TANGO6: variants seen among roughly 807,000 people sequenced by gnomAD.
TANGO6 encodes transport and Golgi organization protein 6 homolog.
A neutral mutation model predicts 114.2 loss-of-function variants in TANGO6; 90 were observed. The ratio of observed to expected loss-of-function variants is 0.79; its 90% CI spans 0.66 to 0.94. TANGO6 has a LOEUF of 0.94. Among genes scored for constraint, TANGO6 ranks in the 40% least tolerant of loss-of-function variants. The probability of loss-of-function intolerance (pLI) is 0.00; values close to 1 mark genes in which losing one functional copy is unlikely to be tolerated. For synonymous variants in TANGO6, 477 were observed against 509.8 expected (o/e 0.94, Z 0.87); for missense variants, 1,274 against 1,315.3 (o/e 0.97, Z 0.49).
chr16:68,851,867 G>A (rs1208407790), intron 1 of TANGO6, among the ~76,000 whole-genome samples: 1 of 152,164 alleles, frequency 6.6e-6, no homozygotes, highest in Non-Finnish European at 1.5e-5. Context: ...TCGATAGATG[G>A]AAAGTGATAT....
chr16:68,873,250 A>C (rs1281475995), intron 4 of TANGO6, among the ~76,000 whole-genome samples: 1 of 152,040 alleles, frequency 6.6e-6, no homozygotes, highest in Non-Finnish European at 1.5e-5. Flanking sequence ...CATACAATAC[A>C]TGGTCTTTGT....
At chr16:69,034,078 C>T (rs1220370617) in intron 16 of TANGO6, 1 of 153,318 alleles carries the variant, frequency 6.5e-6, no homozygotes, top group Non-Finnish European at 1.5e-5. Flanking sequence ...GTGTTAAGTG[C>T]TCCAAGGAGG....
At position 69,022,827 on chromosome 16, in the gene TANGO6, G is replaced by A. The variant is rs746070229; in HGVS notation, c.2843-1G>A. ...TTTTGATTTCTTCCTTTTTCCTATA[G>A]GAGACATGGTCTCAAAGTACCGAGA... On this transcript the variant is annotated splice_acceptor_variant, in intron 15 of 17. Transcript: ENST00000261778. LOFTEE classifies it high-confidence loss of function. 1.9e-6 allele frequency: 3 copies of A among 1,572,296 alleles called. No individual in the cohort carries two copies. Among genetic ancestry groups the A allele is most frequent in the Non-Finnish European group, 2.6e-6 (3 of 1,158,182 alleles).
chr16:68,895,889 C>T (rs1353626775), intron 7 of TANGO6, among the ~76,000 whole-genome samples: 1 of 151,776 alleles, frequency 6.6e-6, no homozygotes, highest in African/African-American at 2.4e-5. Context: ...TTATGTGAAA[C>T]TGATTTTGAT....
chr16:68,897,664 C>T (rs545868843), intron 7 of TANGO6, among the ~76,000 whole-genome samples: 23 of 151,514 alleles, frequency 1.5e-4, no homozygotes, highest in Admixed American at 3.3e-4. Flanking sequence ...CTGCAACTTC[C>T]GCCTCCTGGG....
chr16:68,992,157 C>T (rs1963951723), intron 15 of TANGO6, among the ~76,000 whole-genome samples: 1 of 152,136 alleles, frequency 6.6e-6, no homozygotes, highest in African/African-American at 2.4e-5. Context: ...ATTTAGTCTT[C>T]TAGTAGGGTT....
At chr16:68,981,882 A>G (rs1327916820) in intron 15 of TANGO6, among the ~76,000 whole-genome samples, 1 of 152,180 alleles carries the variant, frequency 6.6e-6, no homozygotes, top group African/African-American at 2.4e-5. Context: ...AAATACTCCA[A>G]ACTCTAAAAA....
intron 14 of TANGO6, among the ~76,000 whole-genome samples, chr16:68,936,091 G>A (rs999277395): frequency 6.6e-6 from 1 of 152,082 alleles, no homozygotes; most frequent in African/African-American, 2.4e-5. Context: ...GGCTTAGGTG[G>A]GAGGATCACT....
chr16:68,915,825 A>G (rs1962996160), intron 11 of TANGO6, among the ~76,000 whole-genome samples: 1 of 152,226 alleles, frequency 6.6e-6, no homozygotes, highest in Admixed American at 6.5e-5. Context: ...TAAGCTTGCA[A>G]TAAAGATTCT....
chr16:68,886,406 G>C (rs772630597), intron 7 of TANGO6, among the ~76,000 whole-genome samples: 5 of 85,748 alleles, frequency 5.8e-5, no homozygotes, highest in Non-Finnish European at 6.2e-5. Flanking sequence ...TTTTTAAATT[G>C]GGTTTATTGT....
chr16:68,998,328 A>G (rs894817936), intron 15 of TANGO6, among the ~76,000 whole-genome samples: 8 of 152,220 alleles, frequency 5.3e-5, no homozygotes, highest in African/African-American at 1.9e-4. Context: ...GAAAAAATTC[A>G]AAAACAATGG....
At chr16:68,855,246 C>T (rs527396244) in intron 1 of TANGO6, among the ~76,000 whole-genome samples, 6 of 152,014 alleles carry the variant, frequency 3.9e-5, no homozygotes, top group African/African-American at 1.4e-4. Context: ...AGCAAGTTTT[C>T]AGTGTAGAGA....
In TANGO6 at chr16:69,015,464, TTTTA is replaced by T. The variant is rs60863406; in HGVS notation, c.2843-7332_2843-7329del. Among the ~76,000 whole-genome samples, 441 of 143,942 alleles carry T rather than the reference TTTTA, an allele frequency of 3.1e-3. 2 individuals are homozygous for T. Among genetic ancestry groups the T allele is most frequent in the Middle Eastern group, 7.0e-3 (2 of 286 alleles). 94.4% of individuals were successfully genotyped at this position (143,942 alleles called of 152,430 possible). On this transcript the variant is annotated intron_variant, in intron 15 of 17. Coordinates refer to ENST00000261778, the MANE Select transcript of TANGO6 (RefSeq NM_024562.2). The stretch of plus-strand genomic sequence containing the variant: ...TGTAGTTTAACAGATGCTCATTTTA[TTTTA>T]TTTATTTATTTATTTATTTATTTAT...
intron 16 of TANGO6, chr16:69,036,053 A>C (rs528784339): frequency 6.6e-6 from 1 of 152,180 alleles, no homozygotes; most frequent in African/African-American, 2.4e-5. Context: ...AAAAAAAAAA[A>C]AAAAAAAAAG....
chr16:69,075,466 T>G (rs1960360651), intron 17 of TANGO6, among the ~76,000 whole-genome samples: 3 of 151,772 alleles, frequency 2.0e-5, no homozygotes, highest in African/African-American at 7.3e-5. Context: ...TTTTTTTTTT[T>G]TTTTTGAGAC....
chr16:68,982,075 T>C (rs756869259), intron 15 of TANGO6, among the ~76,000 whole-genome samples: 11 of 152,172 alleles, frequency 7.2e-5, no homozygotes, highest in Non-Finnish European at 1.3e-4. Flanking sequence ...CATCATAAAA[T>C]GCACAGGATG....
intron 16 of TANGO6, among the ~76,000 whole-genome samples, 152 bp from the exon 17 acceptor site, chr16:69,040,156 T>G (rs1026959394): frequency 1.3e-5 from 2 of 152,242 alleles, no homozygotes; most frequent in Non-Finnish European, 2.9e-5. Flanking sequence ...CCACTAGATC[T>G]CACCCTCTTT....
chr16:69,067,799 T>C (rs1418823764), intron 17 of TANGO6, among the ~76,000 whole-genome samples: 2 of 151,826 alleles, frequency 1.3e-5, no homozygotes, highest in Non-Finnish European at 2.9e-5. Flanking sequence ...TAGCTGGGTG[T>C]GGTGGCACAT....
intron 17 of TANGO6, among the ~76,000 whole-genome samples, chr16:69,078,909 A>C (rs1309917998): frequency 1.3e-5 from 2 of 151,822 alleles, no homozygotes; most frequent in African/African-American, 4.8e-5. Context: ...ACGCCCAGCT[A>C]ATTTGTGTAT....
Sources: gnomAD v4.1 joint callset for allele counts (sites outside exome capture counted in the v4.1 genomes callset) on GRCh38, gnomAD v4.1.1 for gene constraint, MANE v1.5 for transcripts, NCBI Gene and HGNC (gene_info 2026-07-23, HGNC 2026-07-21) for gene names.